Variants in SKAP2 observed in about 807,000 individuals in gnomAD.
The protein encoded by SKAP2 is src kinase-associated phosphoprotein 2.
SKAP2 carries 28 observed loss-of-function variants against 54.9 expected under a neutral mutation model. The observed-to-expected ratio is 0.51, with a 90% CI of 0.38 to 0.70. The LOEUF (loss-of-function observed/expected upper bound fraction) is 0.70, where lower values mean the gene tolerates loss of function less well. Ranked by LOEUF, SKAP2 falls within the 30% of genes least tolerant of loss-of-function variation. The pLI is 0.00. For synonymous variants in SKAP2, 137 were observed against 134.3 expected (o/e 1.02, Z -0.14); for missense variants, 356 against 424.1 (o/e 0.84, Z 1.41).
rs765018195 is a variant in SKAP2, at chr7:26,739,987, A to G, written c.308-23T>C. The G allele has an allele frequency of 2.2e-5, 34 of 1,516,766 alleles. 1 individual carries two copies. Among genetic ancestry groups the G allele is most frequent in the Non-Finnish European group, 2.9e-5 (32 of 1,108,950 alleles). The allele number at this position is 1,516,766 out of a possible 1,614,324, so 94.0% of individuals were successfully genotyped here. ...CTCCTATGAGAAGTTGGGGAGAGAA[A>G]AAAAAAAGCAGTGGGTAATCCATTT... On this transcript the variant is annotated intron_variant, in intron 4 of 12. Coordinates refer to ENST00000345317, the MANE Select transcript of SKAP2 (RefSeq NM_003930.5).
At chr7:26,775,107 C>A (rs888639884) in intron 4 of SKAP2, among the ~76,000 whole-genome samples, 1 of 152,104 alleles carries the variant, frequency 6.6e-6, no homozygotes, top group Non-Finnish European at 1.5e-5. Context: ...TATCAAGAGG[C>A]AACTCTCTTC....
chr7:26,836,983 C>G (rs964015319), intron 4 of SKAP2, among the ~76,000 whole-genome samples: 1 of 152,164 alleles, frequency 6.6e-6, no homozygotes, highest in Non-Finnish European at 1.5e-5. Context: ...GGCACATATA[C>G]ACCATGGAAT....
intron 9 of SKAP2, among the ~76,000 whole-genome samples, chr7:26,691,266 TTAAA>T (rs1786773974): frequency 6.6e-6 from 1 of 152,208 alleles, no homozygotes. Flanking sequence ...GAGAAGAGCT[TTAAA>T]TAGACTTAAT....
intron 4 of SKAP2, among the ~76,000 whole-genome samples, chr7:26,745,229 T>C (rs1056711239): frequency 2.0e-5 from 3 of 152,226 alleles, no homozygotes; most frequent in African/African-American, 7.2e-5. Context: ...GGAAAGATAC[T>C]TTTTAAAAGA....
At chr7:26,656,262 T>C in the SKAP2 span, among the ~76,000 whole-genome samples, 1 of 152,204 alleles carries the variant, frequency 6.6e-6, no homozygotes, top group African/African-American at 2.4e-5. Flanking sequence ...ATTAAATGGC[T>C]TCCCACCAGG....
chr7:26,684,429 C>CTAA (rs1174953062), intron 11 of SKAP2, among the ~76,000 whole-genome samples: 7 of 152,116 alleles, frequency 4.6e-5, no homozygotes, highest in Non-Finnish European at 1.0e-4. Context: ...AATAAATAAT[C>CTAA]TAATACCTTA....
At chr7:26,784,941 A>T (rs551964755) in intron 4 of SKAP2, among the ~76,000 whole-genome samples, 1 of 152,268 alleles carries the variant, frequency 6.6e-6, no homozygotes, top group Admixed American at 6.5e-5. Flanking sequence ...ATATGTGATA[A>T]AGCAAGGACA....
chr7:26,809,510 T>C (rs896415740), intron 4 of SKAP2, among the ~76,000 whole-genome samples: 4 of 151,360 alleles, frequency 2.6e-5, no homozygotes, highest in Admixed American at 2.0e-4. Flanking sequence ...AAATGTTCAA[T>C]ACCACTAGAC....
At chr7:26,850,822 A>G (rs1034201186) in intron 3 of SKAP2, among the ~76,000 whole-genome samples, 2 of 152,160 alleles carry the variant, frequency 1.3e-5, no homozygotes, top group East Asian at 3.9e-4. Flanking sequence ...TAATTATTCT[A>G]AAGCGGCAAT....
At chr7:26,745,039 C>T (rs1782533020) in intron 4 of SKAP2, among the ~76,000 whole-genome samples, 1 of 152,050 alleles carries the variant, frequency 6.6e-6, no homozygotes, top group African/African-American at 2.4e-5. Context: ...GTTGTTTAAT[C>T]TAGACTTTAT....
rs764017598 is a variant in SKAP2, at chr7:26,726,949, G to A, written c.527C>T (p.Thr176Ile). The A allele has an allele frequency of 6.2e-7, 1 of 1,609,450 alleles. No individual in the cohort carries two copies. The highest frequency in any genetic ancestry group is 2.2e-5 in the East Asian group (1 of 44,598). The change falls in exon 7 of 13, where the codon ACT becomes ATT. Residue 176 changes from threonine (T) to isoleucine (I), a missense_variant. Physicochemically the swap from Thr to Ile is moderately conservative, Grantham distance 89 (BLOSUM62 -1). Transcript: ENST00000345317. ...ATCTTTCTTTCCATCCTTTCTTAGA[G>A]TGTTATTCATTCTGACACTGTAGCC... is the stretch of plus-strand genomic sequence containing the variant. ...IDGYSVRMNN[T>I]LRKDGKKDCC...
At chr7:26,677,618 ATTAC>A (rs1210571000) in intron 11 of SKAP2, among the ~76,000 whole-genome samples, 2 of 152,150 alleles carry the variant, frequency 1.3e-5, no homozygotes, top group South Asian at 2.1e-4. Context: ...TGAATCTTTC[ATTAC>A]TTACTTACTC....
chr7:26,743,292 T>C (rs530326742), intron 4 of SKAP2, among the ~76,000 whole-genome samples: 1 of 152,348 alleles, frequency 6.6e-6, no homozygotes, highest in South Asian at 2.1e-4. Context: ...CAGTTAAATA[T>C]TGTTATATGT....
chr7:26,836,123 G>T (rs1477655848), intron 4 of SKAP2, among the ~76,000 whole-genome samples: 1 of 152,162 alleles, frequency 6.6e-6, no homozygotes, highest in African/African-American at 2.4e-5. Context: ...ATGCTGTTGG[G>T]AAAACTGGCC....
In SKAP2 at chr7:26,701,812, T is replaced by C. The variant is rs150366869; in HGVS notation, c.797-11450A>G. Among the ~76,000 whole-genome samples, 76 of 152,314 alleles carry C rather than the reference T, an allele frequency of 5.0e-4. 1 individual carries two copies. The highest frequency in any genetic ancestry group is 1.8e-3 in the African/African-American group (75 of 41,574). On this transcript the variant is annotated intron_variant, in intron 9 of 12. Transcript: ENST00000345317. Reference sequence around the variant, plus strand: ...AATAGATTCTAGCACAAGGATATTATTTTAACTTCTCTTTTTTTCCCTCAT... The same window carrying C: ...AATAGATTCTAGCACAAGGATATTACTTTAACTTCTCTTTTTTTCCCTCAT...
chr7:26,657,200 G>C, the SKAP2 span, among the ~76,000 whole-genome samples: 1 of 152,174 alleles, frequency 6.6e-6, no homozygotes, highest in African/African-American at 2.4e-5. Flanking sequence ...GTGACTTGTT[G>C]TATCAGCTAT....
At chr7:26,723,704 T>C (rs1038394858) in intron 9 of SKAP2, among the ~76,000 whole-genome samples, 10 of 151,566 alleles carry the variant, frequency 6.6e-5, no homozygotes, top group Non-Finnish European at 1.2e-4. Context: ...CCTGATCAAT[T>C]TTTTTTTTCT....
At chr7:26,776,345 A>G (rs1783307196) in intron 4 of SKAP2, among the ~76,000 whole-genome samples, 1 of 152,108 alleles carries the variant, frequency 6.6e-6, no homozygotes, top group Non-Finnish European at 1.5e-5. Context: ...TCTGGCCAAG[A>G]TCTTTCTCTT....
At chr7:26,776,661 C>G (rs1420643389) in intron 4 of SKAP2, among the ~76,000 whole-genome samples, 1 of 152,106 alleles carries the variant, frequency 6.6e-6, no homozygotes, top group Non-Finnish European at 1.5e-5. Context: ...TCTTTAAGCT[C>G]TTATAATTTA....
Sources: gnomAD v4.1 joint callset for allele counts (sites outside exome capture counted in the v4.1 genomes callset) on GRCh38, gnomAD v4.1.1 for gene constraint, MANE v1.5 for transcripts, NCBI Gene and HGNC (gene_info 2026-07-23, HGNC 2026-07-21) for gene names.